The following MGAT4C variants were observed in gnomAD, a reference collection of about 807,000 sequenced individuals.
MGAT4C encodes MGAT4 family member C.
A neutral mutation model predicts 40.1 loss-of-function variants in MGAT4C; 19 were observed. That is an observed-to-expected ratio of 0.47 (90% CI 0.33 to 0.70). The LOEUF is 0.70. Ranked by LOEUF, MGAT4C falls within the 30% of genes least tolerant of loss-of-function variation. The pLI, the probability that MGAT4C is intolerant of heterozygous loss-of-function variation, is 0.02. For synonymous variants in MGAT4C, 181 were observed against 187.1 expected (o/e 0.97, Z 0.27); for missense variants, 491 against 563.2 (o/e 0.87, Z 1.30).
At chr12:86,567,121 C>G (rs1960162494) in intron 2 of MGAT4C, among the ~76,000 whole-genome samples, 1 of 152,136 alleles carries the variant, frequency 6.6e-6, no homozygotes, top group Non-Finnish European at 1.5e-5. Context: ...TGTGTGTGTT[C>G]TGAATCAGTA....
At position 85,972,877 on chromosome 12, in the gene MGAT4C, T is replaced by C. The variant is rs963651456; in HGVS notation, c.*6412A>G. The C allele has an allele frequency of 1.3e-5, 2 of 150,944 alleles. No homozygotes were observed. The highest frequency in any genetic ancestry group is 3.0e-5 in the Non-Finnish European group (2 of 67,136). 9.4% of individuals were successfully genotyped at this position (150,944 alleles called of 1,614,324 possible). ...ATATGTTTAAAAGTAGGGAAAATTTTATCAATTATTAAAGATGGAAAAAAT... is the reference window on the plus strand; with the variant it reads ...ATATGTTTAAAAGTAGGGAAAATTTCATCAATTATTAAAGATGGAAAAAAT... On this transcript the variant is annotated 3_prime_UTR_variant, in exon 5 of 5. Coordinates refer to ENST00000611864, the MANE Select transcript of MGAT4C (RefSeq NM_001351288.2).
chr12:86,350,167 G>A (rs189536283), intron 3 of MGAT4C, among the ~76,000 whole-genome samples: 1 of 152,074 alleles, frequency 6.6e-6, no homozygotes, highest in East Asian at 1.9e-4. Flanking sequence ...CTTGTATCTT[G>A]GATAATTCAG....
At chr12:86,137,891 A>G (rs1347636259) in intron 1 of MGAT4C, among the ~76,000 whole-genome samples, 1 of 152,176 alleles carries the variant, frequency 6.6e-6, no homozygotes, top group African/African-American at 2.4e-5. Context: ...AGAGTATAAA[A>G]GTTCAGCTCA....
At chr12:86,770,232 A>G (rs1252583360) in intron 1 of MGAT4C, among the ~76,000 whole-genome samples, 1 of 152,072 alleles carries the variant, frequency 6.6e-6, no homozygotes, top group Non-Finnish European at 1.5e-5. Context: ...GGTGGCAACA[A>G]TAGTGTAGAT....
chr12:86,145,948 C>CA (rs1883456550), intron 1 of MGAT4C, among the ~76,000 whole-genome samples: 3 of 151,888 alleles, frequency 2.0e-5, no homozygotes, highest in African/African-American at 7.2e-5. Flanking sequence ...AGTATTTATA[C>CA]AAAAAAATTA....
intron 1 of MGAT4C, among the ~76,000 whole-genome samples, chr12:86,210,020 G>C (rs1436509109): frequency 6.6e-6 from 1 of 152,028 alleles, no homozygotes; most frequent in Admixed American, 6.5e-5. Flanking sequence ...CAAAGATAAG[G>C]GCTGCAAATT....
intron 2 of MGAT4C, among the ~76,000 whole-genome samples, chr12:86,546,779 C>A (rs1959195256): frequency 6.6e-6 from 1 of 151,918 alleles, no homozygotes; most frequent in Admixed American, 6.6e-5. Context: ...TGTCATAAAA[C>A]CCTTCTAAAA....
chr12:86,756,417 C>T (rs149374550), intron 1 of MGAT4C, among the ~76,000 whole-genome samples: 11 of 136,822 alleles, frequency 8.0e-5, no homozygotes, highest in East Asian at 6.8e-4. Flanking sequence ...CTGCAACATA[C>T]GATTTTTTTT....
chr12:86,224,409 CA>C (rs1951000159), intron 1 of MGAT4C, among the ~76,000 whole-genome samples: 1 of 151,502 alleles, frequency 6.6e-6, no homozygotes, highest in Non-Finnish European at 1.5e-5. Context: ...GCAGGAAAAT[CA>C]ATGAAAAAAA....
At chr12:86,278,943 T>G (rs1953144909) in intron 4 of MGAT4C, among the ~76,000 whole-genome samples, 1 of 70,702 alleles carries the variant, frequency 1.4e-5, no homozygotes, top group Non-Finnish European at 3.5e-5. Flanking sequence ...ATATAGGTTT[T>G]GTCCTTCAGT....
chr12:86,318,286 C>A (rs1954295242), intron 4 of MGAT4C, among the ~76,000 whole-genome samples: 1 of 152,146 alleles, frequency 6.6e-6, no homozygotes, highest in African/African-American at 2.4e-5. Flanking sequence ...TTCTTTTGAG[C>A]CTGAAATTTC....
chr12:86,440,253 G>T (rs1169045552), intron 2 of MGAT4C, among the ~76,000 whole-genome samples: 2 of 151,942 alleles, frequency 1.3e-5, no homozygotes, highest in East Asian at 3.9e-4. Context: ...AACCAAATTC[G>T]ACAGCACTTC....
At chr12:86,777,133 T>G (rs1426014242) in intron 1 of MGAT4C, among the ~76,000 whole-genome samples, 2 of 152,172 alleles carry the variant, frequency 1.3e-5, no homozygotes, top group Non-Finnish European at 2.9e-5. Context: ...ATATAGCCCA[T>G]TCTTTTAAAT....
At chr12:86,408,131 A>C (rs191230491) in intron 3 of MGAT4C, among the ~76,000 whole-genome samples, 10 of 151,874 alleles carry the variant, frequency 6.6e-5, no homozygotes, top group African/African-American at 2.4e-4. Flanking sequence ...GAAATGACCA[A>C]ATCTCTTGTG....
At chr12:86,651,402 A>T (rs1963693506) in intron 2 of MGAT4C, among the ~76,000 whole-genome samples, 1 of 151,906 alleles carries the variant, frequency 6.6e-6, no homozygotes, top group Non-Finnish European at 1.5e-5. Flanking sequence ...CAACAATTTA[A>T]GTTTCAAATT....
At chr12:86,658,800 G>A (rs1963908442) in intron 2 of MGAT4C, among the ~76,000 whole-genome samples, 1 of 152,010 alleles carries the variant, frequency 6.6e-6, no homozygotes, top group Admixed American at 6.6e-5. Context: ...GTTGACTTTA[G>A]GTTTGGCCAT....
chr12:86,514,814 T>C (rs1428350510), intron 2 of MGAT4C, among the ~76,000 whole-genome samples: 1 of 152,224 alleles, frequency 6.6e-6, no homozygotes, highest in Non-Finnish European at 1.5e-5. Context: ...AGATCCATTA[T>C]TGTGCCTATC....
Position 86,376,027 on chromosome 12 carries a change from C to T in MGAT4C, c.-119-41900G>A, listed in dbSNP as rs73389345. Among the ~76,000 whole-genome samples the T allele has an allele frequency of 3.3e-3, 494 of 151,926 alleles. 2 individuals carry two copies. The highest frequency in any genetic ancestry group is 0.012 in the African/African-American group (481 of 41,438). On this transcript the variant is annotated intron_variant, in intron 3 of 7. Coordinates refer to the MGAT4C transcript ENST00000548651. ...GTTAAGGTAAATTGTTTGGAGAGCA[C>T]TATATAATTGTTTTGGAAATAATTA...
At chr12:86,543,174 A>G (rs990425448) in intron 2 of MGAT4C, among the ~76,000 whole-genome samples, 2 of 151,912 alleles carry the variant, frequency 1.3e-5, no homozygotes, top group Non-Finnish European at 2.9e-5. Context: ...ACACATATAC[A>G]GAAGAGTTCA....
Sources: allele counts gnomAD v4.1 joint callset (sites outside exome capture counted in the v4.1 genomes callset), GRCh38; gene constraint gnomAD v4.1.1; transcripts MANE v1.5; gene names NCBI Gene and HGNC (gene_info 2026-07-23, HGNC 2026-07-21).